Variants in SULF2 observed in about 807,000 individuals in gnomAD.
SULF2 encodes the protein sulfatase 2.
In SULF2, 52 loss-of-function variants were observed where a neutral mutation model predicts 107.7. The ratio of observed to expected loss-of-function variants is 0.48; its 90% confidence interval spans 0.39 to 0.61. The LOEUF (loss-of-function observed/expected upper bound fraction) is 0.61. Among genes scored for constraint, SULF2 ranks in the 20% least tolerant of loss-of-function variants. The probability of loss-of-function intolerance (pLI) is 0.00; values close to 1 mark genes in which losing one functional copy is unlikely to be tolerated. For synonymous variants in SULF2, 460 were observed against 464.3 expected, an observed-to-expected ratio of 0.99 and a Z score of 0.12; for missense variants, 993 against 1,177.3, an observed-to-expected ratio of 0.84 and a Z score of 2.29.
At chr20:47,764,279 G>A (rs887254820) in intron 1 of SULF2, among the ~76,000 whole-genome samples, 1 of 152,184 alleles carries the variant, frequency 6.6e-6, no homozygotes, top group South Asian at 2.1e-4. Context: ...CCCCCTGAAG[G>A]TACAGGTTTT....
At chr20:47,719,155 C>T (rs914082921) in intron 3 of SULF2, among the ~76,000 whole-genome samples, 1 of 152,216 alleles carries the variant, frequency 6.6e-6, no homozygotes, top group African/African-American at 2.4e-5. Flanking sequence ...AGCGCTACTT[C>T]GAAATCATGG....
At chr20:47,742,869 CA>C (rs1466683594) in intron 2 of SULF2, among the ~76,000 whole-genome samples, 1 of 149,660 alleles carries the variant, frequency 6.7e-6, no homozygotes, top group Non-Finnish European at 1.5e-5. Flanking sequence ...TAAGTCAGAG[CA>C]AACACTATCT....
intron 3 of SULF2, among the ~76,000 whole-genome samples, chr20:47,711,435 A>G (rs1158590869): frequency 6.6e-6 from 1 of 152,218 alleles, no homozygotes; most frequent in Non-Finnish European, 1.5e-5. Context: ...ACAGGACCTG[A>G]TCTGTCCTAG....
chr20:47,709,600 G>A (rs753796329), intron 3 of SULF2, among the ~76,000 whole-genome samples: 1 of 152,308 alleles, frequency 6.6e-6, no homozygotes, highest in East Asian at 1.9e-4. Context: ...TGAGGCAAAG[G>A]CATGTGACCC....
In SULF2 at chr20:47,666,834, A is replaced by G. The variant is rs2087290863; in HGVS notation, c.1577-346T>C. Among the ~76,000 whole-genome samples the G allele has an allele frequency of 6.6e-6, 1 of 152,246 alleles. No homozygotes were observed. The highest frequency in any genetic ancestry group is 2.1e-4 in the South Asian group (1 of 4,836). ...GGAGCGAGGTTCTGATTCACGCTAG[A>G]GCGTGGATGAATGTCAAAAGCAGGC... On this transcript the variant is annotated intron_variant, in intron 11 of 20. Coordinates refer to ENST00000688720, the MANE Select transcript of SULF2 (RefSeq NM_001387048.1). The surrounding 1 kb of genome is among the most constrained non-coding windows in gnomAD (Gnocchi z 5.4).
intron 2 of SULF2, 118 bp downstream of exon 2, chr20:47,757,071 A>G: frequency 1.1e-6 from 1 of 947,554 alleles, no homozygotes; most frequent in Non-Finnish European, 1.5e-6. Flanking sequence ...CTTGGTTTCA[A>G]TGTACTCAAA....
intron 4 of SULF2, among the ~76,000 whole-genome samples, chr20:47,696,796 C>T (rs2088393880): frequency 6.6e-6 from 1 of 152,294 alleles, no homozygotes; most frequent in Non-Finnish European, 1.5e-5. Flanking sequence ...CCCACTCTGC[C>T]TGATGGGCTC....
At chr20:47,737,761 T>G (rs1242721286) in intron 2 of SULF2, among the ~76,000 whole-genome samples, 1 of 132,112 alleles carries the variant, frequency 7.6e-6, no homozygotes, top group African/African-American at 2.9e-5. Context: ...CTTTGTTTTT[T>G]TTTTTTTTTT....
At chr20:47,766,643 T>C (rs2146951258) in intron 1 of SULF2, among the ~76,000 whole-genome samples, 1 of 152,298 alleles carries the variant, frequency 6.6e-6, no homozygotes, top group East Asian at 1.9e-4. Context: ...CTCCCTGCCC[T>C]CCTGGAAGTG....
intron 11 of SULF2, among the ~76,000 whole-genome samples, chr20:47,669,547 G>A (rs909909444): frequency 1.3e-5 from 2 of 152,208 alleles, no homozygotes; most frequent in Non-Finnish European, 2.9e-5. Context: ...AGTTCAGCCT[G>A]CTCTAGGCTG....
At chr20:47,709,576 A>G (rs10854176) in intron 3 of SULF2, among the ~76,000 whole-genome samples, 38,152 of 152,152 alleles carry the variant, frequency 0.25, 4,967 homozygotes, top group Middle Eastern at 0.31. Context: ...GTGATCATGC[A>G]CAAACTGGTT....
At chr20:47,747,253 C>T (rs780214390) in intron 2 of SULF2, among the ~76,000 whole-genome samples, 11 of 152,220 alleles carry the variant, frequency 7.2e-5, no homozygotes, top group East Asian at 5.8e-4. Context: ...GTTTCAGCTA[C>T]GAAAAGCCAA....
chr20:47,676,803 T>G (rs1602617784), intron 9 of SULF2, 180 bp from the exon 10 acceptor site: 1 of 741,182 alleles, frequency 1.3e-6, no homozygotes, highest in East Asian at 2.7e-5. Flanking sequence ...TGGAATTTTA[T>G]AAGAAACTTC....
chr20:47,776,412 C>G (rs1375257658), intron 1 of SULF2, among the ~76,000 whole-genome samples: 1 of 152,234 alleles, frequency 6.6e-6, no homozygotes. Context: ...TGGAAGATCC[C>G]CACATCGCTG....
chr20:47,764,983 C>T (rs1334115038), intron 1 of SULF2, among the ~76,000 whole-genome samples: 3 of 152,144 alleles, frequency 2.0e-5, no homozygotes, highest in Admixed American at 1.3e-4. Flanking sequence ...TGCCCAGTGT[C>T]GTGCAGCATG....
chr20:47,762,168 GCCC>G (rs1312715264), intron 1 of SULF2, among the ~76,000 whole-genome samples: 1 of 152,200 alleles, frequency 6.6e-6, no homozygotes, highest in Non-Finnish European at 1.5e-5. Context: ...ATTATCAGTG[GCCC>G]ATGTCCCTCC....
At chr20:47,727,567 G>A (rs1364907868) in intron 3 of SULF2, among the ~76,000 whole-genome samples, 1 of 152,204 alleles carries the variant, frequency 6.6e-6, no homozygotes, top group Non-Finnish European at 1.5e-5. Flanking sequence ...GACAGAGAGG[G>A]TGTCGCCTGG....
intron 3 of SULF2, among the ~76,000 whole-genome samples, chr20:47,724,051 C>T (rs2089369661): frequency 1.3e-5 from 2 of 152,106 alleles, no homozygotes; most frequent in African/African-American, 2.4e-5. Flanking sequence ...GGCTAGGCAG[C>T]CTGAGTGCTG....
intron 3 of SULF2, among the ~76,000 whole-genome samples, chr20:47,729,509 C>T (rs541519810): frequency 3.5e-4 from 54 of 152,160 alleles, no homozygotes; most frequent in African/African-American, 1.2e-3. Flanking sequence ...CTGGTGGCAG[C>T]AGAGGGGACT....
Sources: allele counts gnomAD v4.1 joint callset (sites outside exome capture counted in the v4.1 genomes callset), GRCh38; gene constraint gnomAD v4.1.1; non-coding constraint Gnocchi (gnomAD v3.1); transcripts MANE v1.5; gene names NCBI Gene and HGNC (gene_info 2026-07-23, HGNC 2026-07-21).